PRND: variants seen among roughly 807,000 people sequenced by gnomAD.
PRND encodes prion-like protein doppel.
For missense variants in PRND, 227 were observed against 223.3 expected, an observed-to-expected ratio of 1.02 and a Z score of -0.11; for synonymous variants, 94 against 93.2, an observed-to-expected ratio of 1.01 and a Z score of -0.05.
Position 4,724,490 on chromosome 20 carries a change from G to C in PRND, c.-11-51G>C. 1.9e-6 allele frequency: 3 copies of C among 1,605,368 alleles called. No individual in the cohort carries two copies. The highest frequency in any genetic ancestry group is 2.6e-6 in the Non-Finnish European group (3 of 1,173,424). On this transcript the variant is annotated intron_variant, in intron 1 of 1. Coordinates refer to ENST00000305817, the MANE Select transcript of PRND (RefSeq NM_012409.4). This position sits in a 1 kb window ranked among gnomAD's most constrained non-coding sequence, Gnocchi z 4.8. ...CTCCTGCACTTGGGAGGGGGCAGGGGAGCCCAGGCAGGCCTGGTGGGGAGC... is the reference window on the plus strand; with the variant it reads ...CTCCTGCACTTGGGAGGGGGCAGGGCAGCCCAGGCAGGCCTGGTGGGGAGC...
At position 4,725,460 on chromosome 20, in the gene PRND, C is replaced by A; in HGVS notation, c.*378C>A. The A allele has an allele frequency of 4.7e-6, 1 of 213,720 alleles. No individual in the cohort carries two copies. The highest frequency in any genetic ancestry group is 9.5e-5 in the South Asian group (1 of 10,526). 13.2% of individuals were successfully genotyped at this position (213,720 alleles called of 1,614,324 possible). On this transcript the variant is annotated 3_prime_UTR_variant, in exon 2 of 2. Coordinates refer to ENST00000305817, the MANE Select transcript of PRND (RefSeq NM_012409.4). Reference sequence around the variant, plus strand: ...TGAGGCCCAGAGAGCTGAAGTACTGCACCCAGCATCACCAGCTAGAAAGTG... The same window carrying A: ...TGAGGCCCAGAGAGCTGAAGTACTGAACCCAGCATCACCAGCTAGAAAGTG...
chr20:4,725,063 T>A lies in PRND; in HGVS notation c.512T>A (p.Ile171Asn), dbSNP rs1006166541. The A allele has an allele frequency of 1.9e-6, 3 of 1,613,292 alleles. No individual in the cohort carries two copies. The East Asian group carries it at 6.7e-5, about 36-fold the overall frequency. The change falls in exon 2 of 2, where the codon ATC becomes AAC. Residue 171 changes from isoleucine to asparagine, a missense_variant. By Grantham distance (149) the Ile-to-Asn change is moderately radical (BLOSUM62 -3). Transcript: ENST00000305817. ...GTGCTCCTCTGCCTTCTGGCTTTGA[T>A]CTGGCTCACGGTGAAATAAGCTTGC... is the stretch of plus-strand genomic sequence containing the variant. ...QPVLLCLLAL[I>N]WLTVK
At chr20:4,723,039 C>T (rs1224910318) in intron 1 of PRND, among the ~76,000 whole-genome samples, 1 of 152,158 alleles carries the variant, frequency 6.6e-6, no homozygotes, top group Non-Finnish European at 1.5e-5. Context: ...CCTTTCATCT[C>T]GTTTTCTCCG....
rs1207342739 is a variant in PRND at position 4,728,229 on chromosome 20, T to C, written c.*3147T>C. On this transcript the variant is annotated 3_prime_UTR_variant, in exon 2 of 2. Coordinates refer to ENST00000305817, the MANE Select transcript of PRND (RefSeq NM_012409.4). ...TTGATTATGCCTTTTAAAAATACTATGTATGTAAAATATTTATTCATCTGC... is the reference window on the plus strand; with the variant it reads ...TTGATTATGCCTTTTAAAAATACTACGTATGTAAAATATTTATTCATCTGC... 2 of 167,016 alleles carry C rather than the reference T, an allele frequency of 1.2e-5. No homozygotes were observed. The highest frequency in any genetic ancestry group is 4.8e-5 in the African/African-American group (2 of 41,420). 10.3% of individuals were successfully genotyped at this position (167,016 alleles called of 1,614,324 possible). A position where few individuals can be genotyped will look rare whatever the true frequency, so the allele number is the denominator to read the frequency against.
intron 1 of PRND, among the ~76,000 whole-genome samples, chr20:4,722,386 T>C (rs1436283793): frequency 6.6e-6 from 1 of 151,968 alleles, no homozygotes; most frequent in Non-Finnish European, 1.5e-5. Flanking sequence ...TTGGATCTCT[T>C]TGGAGAAAGT....
Position 4,724,975 on chromosome 20 carries a change from C to G in PRND, c.424C>G (p.Leu142Val), listed in dbSNP as rs1372243155. ...LWRLVQELCS[L>V]KHCEFWLERG... is the part of the protein sequence containing the mutation. ...GCGGCTGGTCCAGGAGCTCTGCTCC[C>G]TCAAGCATTGCGAGTTTTGGTTGGA... The change falls in exon 2 of 2, where the codon CTC becomes GTC. Residue 142 changes from leucine to valine, a missense_variant. Leu to Val is a conservative substitution (Grantham distance 32, BLOSUM62 1). Coordinates refer to ENST00000305817, the MANE Select transcript of PRND (RefSeq NM_012409.4). This position sits in a 1 kb window ranked among gnomAD's most constrained non-coding sequence, Gnocchi z 4.8. The G allele has an allele frequency of 6.2e-7, 1 of 1,614,006 alleles. No individual in the cohort carries two copies. The highest frequency in any genetic ancestry group is 8.5e-7 in the Non-Finnish European group (1 of 1,179,990).
Position 4,724,770 on chromosome 20 carries a change from G to T in PRND, c.219G>T (p.Glu73Asp). 1.2e-6 allele frequency: 2 copies of T among 1,614,226 alleles called. No individual in the cohort carries two copies. Among genetic ancestry groups the T allele is most frequent in the East Asian group, 2.2e-5 (1 of 44,878 alleles). The change falls in exon 2 of 2, where the codon GAG becomes GAT. Residue 73 changes from glutamate to aspartate, a missense_variant. Physicochemically the swap from Glu to Asp is conservative, Grantham distance 45 (BLOSUM62 2). Coordinates refer to ENST00000305817, the MANE Select transcript of PRND (RefSeq NM_012409.4). The surrounding 1 kb of genome is among the most constrained non-coding windows in gnomAD (Gnocchi z 4.8). ...GRKLDIDFGA[E>D]GNRYYEANYW... ...AGCTCGACATTGACTTCGGAGCCGA[G>T]GGCAACAGGTACTACGAGGCCAACT...
rs1192057338 is a variant in PRND at position 4,728,196 on chromosome 20, T to A, written c.*3114T>A. 1.2e-5 allele frequency: 2 copies of A among 166,718 alleles called. No homozygotes were observed. The highest frequency in any genetic ancestry group is 2.9e-5 in the Non-Finnish European group (2 of 68,084). 10.3% of individuals were successfully genotyped at this position (166,718 alleles called of 1,614,324 possible). A position where few individuals can be genotyped will look rare whatever the true frequency, so the allele number is the denominator to read the frequency against. On this transcript the variant is annotated 3_prime_UTR_variant, in exon 2 of 2. Coordinates refer to ENST00000305817, the MANE Select transcript of PRND (RefSeq NM_012409.4). Reference sequence around the variant, plus strand: ...TGTGCTCAGATACACAAGTGAGGGCTTTTTAACTTGATTATGCCTTTTAAA... The same window carrying A: ...TGTGCTCAGATACACAAGTGAGGGCATTTTAACTTGATTATGCCTTTTAAA...
intron 1 of PRND, among the ~76,000 whole-genome samples, chr20:4,722,622 C>T (rs1164139652): frequency 1.3e-5 from 2 of 151,676 alleles, no homozygotes; most frequent in East Asian, 1.9e-4. Flanking sequence ...CAGAGTTGAA[C>T]ATTTTATCAG....
In PRND at chr20:4,726,973, G is replaced by C. The variant is rs1008518059; in HGVS notation, c.*1891G>C. The C allele has an allele frequency of 6.0e-6, 1 of 166,924 alleles. No individual in the cohort carries two copies. The highest frequency in any genetic ancestry group is 2.4e-5 in the African/African-American group (1 of 41,360). The allele number at this position is 166,924 out of a possible 1,614,324, so 10.3% of individuals were successfully genotyped here. On this transcript the variant is annotated 3_prime_UTR_variant, in exon 2 of 2. Coordinates refer to ENST00000305817, the MANE Select transcript of PRND (RefSeq NM_012409.4). ...AGCTACACTCGCCTTCTGCTTCCAC[G>C]GTCCTGTTAATTCTAGATCAGAGAG...
chr20:4,728,276 C>T lies in PRND; in HGVS notation c.*3194C>T, dbSNP rs1348369564. ...CTGCAATTTGGCTTCCCTAACTTAA[C>T]ATTGCATCATGAAACTCTTTGGAAC... On this transcript the variant is annotated 3_prime_UTR_variant, in exon 2 of 2. Transcript: ENST00000305817. 6 of 167,050 alleles carry T rather than the reference C, an allele frequency of 3.6e-5. No individual in the cohort carries two copies. The highest frequency in any genetic ancestry group is 8.8e-5 in the Non-Finnish European group (6 of 68,118). The allele number at this position is 167,050 out of a possible 1,614,324, so 10.3% of individuals were successfully genotyped here. A position where few individuals can be genotyped will look rare whatever the true frequency, so the allele number is the denominator to read the frequency against.
chr20:4,728,370 ATGAT>A lies in PRND; in HGVS notation c.*3296_*3299del, dbSNP rs1923347331. ...TAATCTCACTTAATACAGATGTATC[ATGAT>A]TGATTGAATCATTGCCTTGTTGATG... On this transcript the variant is annotated 3_prime_UTR_variant, in exon 2 of 2. Coordinates refer to ENST00000305817, the MANE Select transcript of PRND (RefSeq NM_012409.4). 1 of 167,140 alleles carries A rather than the reference ATGAT, an allele frequency of 6.0e-6. No homozygotes were observed. Among genetic ancestry groups the A allele is most frequent in the Non-Finnish European group, 1.5e-5 (1 of 68,136 alleles). 10.4% of individuals were successfully genotyped at this position (167,140 alleles called of 1,614,324 possible).
Position 4,724,614 on chromosome 20 carries a change from C to G in PRND, c.63C>G (p.Leu21=). ...TCTGCATGCTGCTCTTCAGCCACCT[C>G]TCTGCGGTCCAGACGAGGGGCATCA... is the stretch of plus-strand genomic sequence containing the variant. The part of the protein sequence containing the change: ...ATVCMLLFSH[L]SAVQTRGIKH... Residue 21 remains leucine (L), a synonymous_variant, in exon 2 of 2, where the codon CTC becomes CTG. Coordinates refer to ENST00000305817, the MANE Select transcript of PRND (RefSeq NM_012409.4). This position sits in a 1 kb window ranked among gnomAD's most constrained non-coding sequence, Gnocchi z 4.8. 3 of 1,614,180 alleles carry G rather than the reference C, an allele frequency of 1.9e-6. No homozygotes were observed. The highest frequency in any genetic ancestry group is 2.5e-6 in the Non-Finnish European group (3 of 1,180,038).
chr20:4,724,960 C>T lies in PRND; in HGVS notation c.409C>T (p.Gln137Ter). 1 of 1,614,084 alleles carries T rather than the reference C, an allele frequency of 6.2e-7. No homozygotes were observed. The highest frequency in any genetic ancestry group is 8.5e-7 in the Non-Finnish European group (1 of 1,180,038). The change falls in exon 2 of 2, where the codon CAG (glutamine) becomes TAG (stop). Residue 137 changes from glutamine (Q) to a stop codon, truncating the protein, a stop_gained. Transcript: ENST00000305817. LOFTEE classifies it low-confidence loss of function (END_TRUNC). The surrounding 1 kb of genome is among the most constrained non-coding windows in gnomAD (Gnocchi z 4.8). ...LHQQVLWRLV[Q>*]ELCSLKHCEF... ...CCAGCAGGTGCTCTGGCGGCTGGTCCAGGAGCTCTGCTCCCTCAAGCATTG... is the reference window on the plus strand; with the variant it reads ...CCAGCAGGTGCTCTGGCGGCTGGTCTAGGAGCTCTGCTCCCTCAAGCATTG...
intron 1 of PRND, among the ~76,000 whole-genome samples, chr20:4,723,722 G>C (rs980293418): frequency 2.6e-5 from 4 of 152,158 alleles, no homozygotes; most frequent in African/African-American, 7.2e-5. Flanking sequence ...GCTGAGGTGG[G>C]AGGATCACTT....
chr20:4,724,105 TACACACACAC>T lies in PRND; in HGVS notation c.-11-422_-11-413del, dbSNP rs56927628. On this transcript the variant is annotated intron_variant, in intron 1 of 1. Transcript: ENST00000305817. This position sits in a 1 kb window ranked among gnomAD's most constrained non-coding sequence, Gnocchi z 4.8. ...ATATATGTGTATATATATACGTGTA[TACACACACAC>T]ACACACACACACATATAGTCCATGC... 1.3e-5 allele frequency among the ~76,000 whole-genome samples: 2 copies of T among 148,292 alleles called. No homozygotes were observed. The highest frequency in any genetic ancestry group is 3.0e-5 in the Non-Finnish European group (2 of 66,958).
chr20:4,723,976 ATGTG>A (rs796277448), intron 1 of PRND, among the ~76,000 whole-genome samples: 8 of 108,342 alleles, frequency 7.4e-5, no homozygotes, highest in African/African-American at 2.7e-4. Context: ...GTGTGTGTGT[ATGTG>A]TGTGTGTCTG....
At chr20:4,722,339 G>A (rs1004476414) in intron 1 of PRND, among the ~76,000 whole-genome samples, 1 of 152,038 alleles carries the variant, frequency 6.6e-6, no homozygotes, top group Non-Finnish European at 1.5e-5. Context: ...GTGGAGTATG[G>A]CCCTATTTAG....
At position 4,728,132 on chromosome 20, in the gene PRND, T is replaced by C. The variant is rs2050372; in HGVS notation, c.*3050T>C. ...TCCCCACCCATTTTCCCCCGTCCTGTCCCCTCCTTCCAGCCTGAGATGTAG... is the reference window on the plus strand; with the variant it reads ...TCCCCACCCATTTTCCCCCGTCCTGCCCCCTCCTTCCAGCCTGAGATGTAG... On this transcript the variant is annotated 3_prime_UTR_variant, in exon 2 of 2. Transcript: ENST00000305817. 93,464 of 165,162 alleles carry C rather than the reference T, an allele frequency of 0.57. 27,590 individuals carry two copies. Among genetic ancestry groups the C allele is most frequent in the Admixed American group, 0.67 (10,062 of 15,042 alleles). 10.2% of individuals were successfully genotyped at this position (165,162 alleles called of 1,614,324 possible).
Sources: allele counts gnomAD v4.1 joint callset (sites outside exome capture counted in the v4.1 genomes callset), GRCh38; gene constraint gnomAD v4.1.1; non-coding constraint Gnocchi (gnomAD v3.1); transcripts MANE v1.5; gene names NCBI Gene and HGNC (gene_info 2026-07-23, HGNC 2026-07-21).